KCNB2: variants seen among roughly 807,000 people sequenced by gnomAD.
KCNB2 encodes the protein delayed rectifier potassium channel protein.
In KCNB2, 15 loss-of-function variants were observed where a neutral mutation model predicts 61.5. The ratio of observed to expected loss-of-function variants is 0.24; its 90% CI spans 0.16 to 0.38. The LOEUF is 0.38. Ranked by LOEUF, KCNB2 falls within the 10% of genes least tolerant of loss-of-function variation. KCNB2 has a pLI of 1.00. For missense variants in KCNB2, 828 were observed against 1,125.2 expected, an observed-to-expected ratio of 0.74 and a Z score of 3.78; for synonymous variants, 457 against 446.0, an observed-to-expected ratio of 1.02 and a Z score of -0.31.
intron 2 of KCNB2, among the ~76,000 whole-genome samples, chr8:72,846,079 G>A (rs1424096761): frequency 6.6e-6 from 1 of 152,148 alleles, no homozygotes; most frequent in East Asian, 1.9e-4. Flanking sequence ...GGTGGTGTAG[G>A]CACCTGAGGG....
intron 2 of KCNB2, among the ~76,000 whole-genome samples, chr8:72,920,591 C>T (rs1244457307): frequency 6.7e-6 from 1 of 149,680 alleles, no homozygotes; most frequent in Non-Finnish European, 1.5e-5. Context: ...CACAGTGACC[C>T]TCGATTATGC....
chr8:72,929,684 A>T (rs1545830), intron 2 of KCNB2, among the ~76,000 whole-genome samples: 65,036 of 152,112 alleles, frequency 0.43, 15,417 homozygotes, highest in East Asian at 0.89. Context: ...TTAGAGGTTA[A>T]GTGACCTTGC....
chr8:72,625,246 T>C lies in KCNB2; in HGVS notation c.579+56933T>C, dbSNP rs1805771865. On this transcript the variant is annotated intron_variant, in intron 2 of 2. Transcript: ENST00000523207. ...AAACACCCTCAGTATTCCAGACACA[T>C]TTTGAGGAATTAGAAATGGAGCAGT... 2.6e-5 allele frequency among the ~76,000 whole-genome samples: 4 copies of C among 152,166 alleles called. No homozygotes were observed. In the South Asian group the frequency reaches 6.2e-4, roughly 24 times the overall value.
At chr8:72,540,479 T>G (rs1267414060) in intron 1 of KCNB2, among the ~76,000 whole-genome samples, 1 of 152,154 alleles carries the variant, frequency 6.6e-6, no homozygotes, top group Non-Finnish European at 1.5e-5. Flanking sequence ...TGTGATTTCT[T>G]TTTTAGCCCA....
intron 2 of KCNB2, among the ~76,000 whole-genome samples, chr8:72,741,571 C>T (rs926707205): frequency 7.9e-5 from 12 of 151,794 alleles, no homozygotes; most frequent in Non-Finnish European, 1.6e-4. Flanking sequence ...TCATTCCACC[C>T]CCTCACTCTT....
intron 2 of KCNB2, among the ~76,000 whole-genome samples, chr8:72,884,227 T>C (rs774624869): frequency 2.6e-5 from 4 of 152,184 alleles, no homozygotes; most frequent in Admixed American, 6.5e-5. Context: ...ACACCATAGA[T>C]TGTCTATTCC....
At chr8:72,625,762 G>T (rs1805780357) in intron 2 of KCNB2, among the ~76,000 whole-genome samples, 1 of 152,124 alleles carries the variant, frequency 6.6e-6, no homozygotes, top group African/African-American at 2.4e-5. Context: ...TCCAAAGGAG[G>T]AAAAATAATG....
intron 2 of KCNB2, among the ~76,000 whole-genome samples, chr8:72,620,672 G>T (rs879702260): frequency 2.6e-5 from 4 of 151,952 alleles, no homozygotes; most frequent in African/African-American, 4.8e-5. Flanking sequence ...GCAGTGGTGC[G>T]ACCTTGGCTC....
At chr8:72,696,585 G>A (rs1484745138) in intron 2 of KCNB2, among the ~76,000 whole-genome samples, 2 of 152,166 alleles carry the variant, frequency 1.3e-5, no homozygotes, top group Admixed American at 6.6e-5. Flanking sequence ...GTAGGATTTG[G>A]ATGGGAAAGG....
chr8:72,725,084 A>G lies in KCNB2; in HGVS notation c.579+156771A>G, dbSNP rs1585854475. Among the ~76,000 whole-genome samples the G allele has an allele frequency of 4.6e-5, 7 of 152,184 alleles. 1 individual carries two copies. The highest frequency in any genetic ancestry group is 9.6e-5 in the African/African-American group (4 of 41,486). On this transcript the variant is annotated intron_variant, in intron 2 of 2. Coordinates refer to ENST00000523207, the MANE Select transcript of KCNB2 (RefSeq NM_004770.3). The stretch of plus-strand genomic sequence containing the variant: ...ACTCCCCTTCTCCATTTAAAAAAAT[A>G]TGTTTAAAAAAGAAAATTATTATTT...
intron 2 of KCNB2, among the ~76,000 whole-genome samples, chr8:72,621,576 G>A (rs1805714073): frequency 6.6e-6 from 1 of 152,006 alleles, no homozygotes; most frequent in Non-Finnish European, 1.5e-5. Flanking sequence ...TACATAGTAG[G>A]TGTATATAGT....
At chr8:72,798,154 T>A (rs1809061423) in intron 2 of KCNB2, among the ~76,000 whole-genome samples, 1 of 151,972 alleles carries the variant, frequency 6.6e-6, no homozygotes, top group African/African-American at 2.4e-5. Flanking sequence ...TTCTGCATTT[T>A]TATGACTTTT....
chr8:72,869,388 T>A (rs1374324161), intron 2 of KCNB2, among the ~76,000 whole-genome samples: 2 of 152,176 alleles, frequency 1.3e-5, no homozygotes, highest in East Asian at 3.9e-4. Flanking sequence ...TTTTGTGGGA[T>A]CCTTCCTTTA....
At chr8:72,627,360 A>AT (rs1805806105) in intron 2 of KCNB2, among the ~76,000 whole-genome samples, 1 of 152,016 alleles carries the variant, frequency 6.6e-6, no homozygotes, top group African/African-American at 2.4e-5. Flanking sequence ...CTCAAATTTG[A>AT]TTTTTTTCTG....
At chr8:72,867,298 T>TA (rs1026121321) in intron 2 of KCNB2, among the ~76,000 whole-genome samples, 3 of 152,190 alleles carry the variant, frequency 2.0e-5, no homozygotes, top group Non-Finnish European at 2.9e-5. Flanking sequence ...TACTCATTTA[T>TA]AAAAAAAGTT....
chr8:72,710,284 C>T (rs1807304329), intron 2 of KCNB2, among the ~76,000 whole-genome samples: 1 of 152,192 alleles, frequency 6.6e-6, no homozygotes, highest in South Asian at 2.1e-4. Flanking sequence ...CTTCAAATCA[C>T]ATGCCAAAAG....
Position 72,715,719 on chromosome 8 carries a change from A to G in KCNB2, c.579+147406A>G, listed in dbSNP as rs192105202. ...CCACAAGAGAAAGCAGGAAAGATCT[A>G]AAATTGACATCCTAACATCACAATT... On this transcript the variant is annotated intron_variant, in intron 2 of 2. Coordinates refer to ENST00000523207, the MANE Select transcript of KCNB2 (RefSeq NM_004770.3). Among the ~76,000 whole-genome samples the G allele has an allele frequency of 4.6e-3, 708 of 152,360 alleles. 6 individuals carry two copies. The highest frequency in any genetic ancestry group is 0.016 in the African/African-American group (676 of 41,582).
chr8:72,561,777 G>GTT (rs1563523629), intron 1 of KCNB2, among the ~76,000 whole-genome samples: 1 of 30,000 alleles, frequency 3.3e-5, no homozygotes, highest in Non-Finnish European at 8.5e-5. Flanking sequence ...ATATATATAT[G>GTT]GATATATATA....
chr8:72,802,009 A>C (rs1025550091), intron 2 of KCNB2, among the ~76,000 whole-genome samples: 4 of 152,202 alleles, frequency 2.6e-5, no homozygotes, highest in South Asian at 2.1e-4. Flanking sequence ...GTAAAAGATA[A>C]GTTTATTATT....
Sources: gnomAD v4.1 joint callset for allele counts (sites outside exome capture counted in the v4.1 genomes callset) on GRCh38, gnomAD v4.1.1 for gene constraint, MANE v1.5 for transcripts, NCBI Gene and HGNC (gene_info 2026-07-23, HGNC 2026-07-21) for gene names.